The following FAM222B variants were observed in gnomAD, a reference collection of about 807,000 sequenced individuals.
The protein encoded by FAM222B is protein FAM222B.
A neutral mutation model predicts 38.0 loss-of-function variants in FAM222B; 12 were observed. The observed-to-expected ratio is 0.32, with a 90% confidence interval of 0.20 to 0.51. The LOEUF (loss-of-function observed/expected upper bound fraction) is 0.51, where lower values mean the gene tolerates loss of function less well. Among genes scored for constraint, FAM222B ranks in the 20% least tolerant of loss-of-function variants. The pLI, the probability that FAM222B is intolerant of heterozygous loss-of-function variation, is 0.97. For synonymous variants in FAM222B, 329 were observed against 317.2 expected (o/e 1.04, Z -0.40); for missense variants, 716 against 754.2 (o/e 0.95, Z 0.59).
At chr17:28,798,652 T>G (rs1295713929) in intron 1 of FAM222B, among the ~76,000 whole-genome samples, 2 of 151,818 alleles carry the variant, frequency 1.3e-5, no homozygotes, top group East Asian at 1.9e-4. Context: ...TTTTTTTTTT[T>G]GAAACGGAGT....
chr17:28,813,140 A>AAC (rs1309742732), intron 1 of FAM222B, among the ~76,000 whole-genome samples: 4 of 135,172 alleles, frequency 3.0e-5, no homozygotes, highest in Non-Finnish European at 6.4e-5. Context: ...AAAAAAAAAA[A>AAC]ACACACACAT....
chr17:28,845,968 C>T (rs2039142616), upstream of FAM222B, among the ~76,000 whole-genome samples: 1 of 149,906 alleles, frequency 6.7e-6, no homozygotes, highest in African/African-American at 2.5e-5. Flanking sequence ...CTTTGGGAGG[C>T]CAAGGCGGGT....
At chr17:28,822,832 A>AAAATAT (rs1567887716) in intron 1 of FAM222B, among the ~76,000 whole-genome samples, 4 of 42,792 alleles carry the variant, frequency 9.3e-5, no homozygotes, top group Non-Finnish European at 1.5e-4. Context: ...AAAAAAAAAA[A>AAAATAT]ATATATATAT....
At chr17:28,812,605 A>G (rs2037837407) in intron 1 of FAM222B, among the ~76,000 whole-genome samples, 1 of 152,158 alleles carries the variant, frequency 6.6e-6, no homozygotes, top group Non-Finnish European at 1.5e-5. Flanking sequence ...CCACCGGGAT[A>G]GGCCCGCTAC....
intron 1 of FAM222B, among the ~76,000 whole-genome samples, chr17:28,798,839 G>T (rs943263243): frequency 4.0e-5 from 6 of 151,798 alleles, no homozygotes; most frequent in Non-Finnish European, 8.8e-5. Flanking sequence ...GGATAGTCTC[G>T]ATCTCCTGAC....
In FAM222B at chr17:28,759,167, G is replaced by A; in HGVS notation, c.792C>T (p.Asp264=). Residue 264 remains aspartate, a synonymous_variant, in exon 3 of 3, where the codon GAC becomes GAT. Transcript: ENST00000581407. The surrounding 1 kb of genome is among the most constrained non-coding windows in gnomAD (Gnocchi z 4.8). ...AATLQHSQPP[D]LSSIVHQINQ... is the part of the protein sequence containing the mutation. ...TGATCTGGTGCACGATGCTACTCAGGTCCGGAGGCTGGCTGTGCTGCAGAG... is the reference window on the plus strand; with the variant it reads ...TGATCTGGTGCACGATGCTACTCAGATCCGGAGGCTGGCTGTGCTGCAGAG... 6.2e-7 allele frequency: 1 copy of A among 1,613,004 alleles called. No homozygotes were observed. Among genetic ancestry groups the A allele is most frequent in the Non-Finnish European group, 8.5e-7 (1 of 1,179,508 alleles).
At chr17:28,763,693 T>C (rs2035191132) in intron 2 of FAM222B, among the ~76,000 whole-genome samples, 1 of 152,184 alleles carries the variant, frequency 6.6e-6, no homozygotes, top group Non-Finnish European at 1.5e-5. Context: ...CACTGGCAAG[T>C]GACAAACCCT....
rs553848298 is a variant in FAM222B, at chr17:28,756,927, T to C, written c.*1343A>G. ...GACAAGAGGAAAGGTAAGGGCTTAT[T>C]TCATCTGTAAAAAATAAAAAAGCCC... On this transcript the variant is annotated 3_prime_UTR_variant, in exon 3 of 3. Transcript: ENST00000581407. 1.1e-4 allele frequency: 17 copies of C among 152,506 alleles called. No homozygotes were observed. Among genetic ancestry groups the C allele is most frequent in the Middle Eastern group, 3.4e-3 (1 of 294 alleles). The allele number at this position is 152,506 out of a possible 1,614,324, so 9.4% of individuals were successfully genotyped here.
intron 1 of FAM222B, among the ~76,000 whole-genome samples, chr17:28,795,156 G>A (rs929358601): frequency 2.0e-5 from 3 of 151,314 alleles, no homozygotes; most frequent in African/African-American, 7.3e-5. Flanking sequence ...GTGTCCTATT[G>A]ATTTCCTTTT....
intron 1 of FAM222B, among the ~76,000 whole-genome samples, chr17:28,850,122 T>G (rs2039171181): frequency 6.6e-6 from 1 of 151,900 alleles, no homozygotes; most frequent in South Asian, 2.1e-4. Context: ...TTTAAGCTAT[T>G]GTCCTATTGT....
At chr17:28,790,881 T>A (rs1286421032) in intron 1 of FAM222B, among the ~76,000 whole-genome samples, 5 of 121,998 alleles carry the variant, frequency 4.1e-5, no homozygotes, top group Admixed American at 1.8e-4. Context: ...TCAAATTGTT[T>A]CACTTTTTTT....
chr17:28,798,639 CTTT>C (rs35469781), intron 1 of FAM222B, among the ~76,000 whole-genome samples: 1 of 145,630 alleles, frequency 6.9e-6, no homozygotes, highest in Admixed American at 6.9e-5. Context: ...CTTGCACCCC[CTTT>C]TTTTTTTTTT....
At chr17:28,826,596 G>A (rs1025137937) in intron 1 of FAM222B, among the ~76,000 whole-genome samples, 2 of 149,552 alleles carry the variant, frequency 1.3e-5, no homozygotes, top group Admixed American at 6.8e-5. Context: ...CAGGAGAATC[G>A]CTTATACCTG....
chr17:28,851,260 T>C (rs1427293866), intron 1 of FAM222B, among the ~76,000 whole-genome samples: 2 of 151,716 alleles, frequency 1.3e-5, no homozygotes, highest in Non-Finnish European at 2.9e-5. Flanking sequence ...AAGCCAGGCA[T>C]GGTGGCTCAC....
intron 1 of FAM222B, among the ~76,000 whole-genome samples, chr17:28,800,176 C>A (rs2037153863): frequency 6.6e-6 from 1 of 152,004 alleles, no homozygotes; most frequent in African/African-American, 2.4e-5. Flanking sequence ...GGATTACAGG[C>A]ATGAGCCACC....
chr17:28,850,078 C>CT (rs1452189440), intron 1 of FAM222B, among the ~76,000 whole-genome samples: 1 of 151,828 alleles, frequency 6.6e-6, no homozygotes, highest in East Asian at 1.9e-4. Context: ...GAGTGAAACT[C>CT]TGTCTCAAAA....
intron 1 of FAM222B, among the ~76,000 whole-genome samples, chr17:28,773,404 G>C (rs762116557): frequency 1.5e-4 from 23 of 149,414 alleles, no homozygotes; most frequent in South Asian, 4.2e-4. Flanking sequence ...GCTTGAACCT[G>C]GGAGGTGGAG....
chr17:28,775,191 G>C (rs577925236), intron 1 of FAM222B, among the ~76,000 whole-genome samples: 1 of 151,378 alleles, frequency 6.6e-6, no homozygotes. Flanking sequence ...AGTACAAACA[G>C]GGTTTCACCA....
chr17:28,772,455 T>A (rs1213866682), intron 1 of FAM222B, among the ~76,000 whole-genome samples: 1 of 151,182 alleles, frequency 6.6e-6, no homozygotes, highest in Non-Finnish European at 1.5e-5. Context: ...CCGGTCGCGG[T>A]GGCTCATGCC....
Sources: gnomAD v4.1 joint callset for allele counts (sites outside exome capture counted in the v4.1 genomes callset) on GRCh38, gnomAD v4.1.1 for gene constraint, Gnocchi (gnomAD v3.1) non-coding constraint, MANE v1.5 for transcripts, NCBI Gene and HGNC (gene_info 2026-07-23, HGNC 2026-07-21) for gene names.